Variants in TECRL observed in about 807,000 individuals in gnomAD.
TECRL encodes trans-2,3-enoyl-CoA reductase like.
Under a neutral mutation model 52.8 loss-of-function variants are expected in TECRL, and 63 were observed. That is an observed-to-expected ratio of 1.19 (90% CI 0.97 to 1.47). TECRL has a LOEUF of 1.47. Ranked by LOEUF, TECRL falls within the 40% of genes most tolerant of loss-of-function variation. The pLI is 0.00. For synonymous variants in TECRL, 164 were observed against 141.9 expected (o/e 1.16, Z -1.10); for missense variants, 482 against 429.6 (o/e 1.12, Z -1.08).
downstream of TECRL, chr4:64,277,039 G>T (rs1322075312): frequency 4.0e-6 from 6 of 1,494,092 alleles, no homozygotes; most frequent in Non-Finnish European, 5.4e-6. Flanking sequence ...GATGTCTTAG[G>T]CAGTGAGACC....
At chr4:64,391,645 T>C (rs1723557111) in intron 1 of TECRL, among the ~76,000 whole-genome samples, 1 of 151,900 alleles carries the variant, frequency 6.6e-6, no homozygotes, top group South Asian at 2.1e-4. Context: ...ATTCTCAATA[T>C]TATTGACTAG....
chr4:64,368,727 C>T (rs569361724), intron 2 of TECRL, among the ~76,000 whole-genome samples: 1 of 151,952 alleles, frequency 6.6e-6, no homozygotes, highest in Non-Finnish European at 1.5e-5. Flanking sequence ...ATTTTTCTGG[C>T]TTTTTTTGTT....
intron 7 of TECRL, among the ~76,000 whole-genome samples, chr4:64,303,212 T>A (rs1369240383): frequency 1.4e-5 from 2 of 147,432 alleles, no homozygotes; most frequent in African/African-American, 2.4e-5. Flanking sequence ...TTTTGCAGCA[T>A]AAATATAGAA....
intron 1 of TECRL, among the ~76,000 whole-genome samples, chr4:64,398,020 A>G (rs1487033851): frequency 2.0e-5 from 2 of 100,344 alleles, no homozygotes; most frequent in Non-Finnish European, 5.0e-5. Context: ...TTATAAACAC[A>G]TATATTAAAA....
At chr4:64,335,540 A>G (rs1328500176) in intron 2 of TECRL, among the ~76,000 whole-genome samples, 1 of 151,920 alleles carries the variant, frequency 6.6e-6, no homozygotes, top group African/African-American at 2.4e-5. Context: ...CCGTGAAACC[A>G]CTCCCTACAT....
At position 64,304,585 on chromosome 4, in the gene TECRL, T is replaced by C. The variant is rs184760304; in HGVS notation, c.730+581A>G. Among the ~76,000 whole-genome samples, 162 of 152,190 alleles carry C rather than the reference T, an allele frequency of 1.1e-3. 4 individuals carry two copies. The East Asian group carries it at 0.026, about 25-fold the overall frequency. On this transcript the variant is annotated intron_variant, in intron 7 of 11. Coordinates refer to ENST00000381210, the MANE Select transcript of TECRL (RefSeq NM_001010874.5). ...GTGCCTTATGTGCTACAGTAAGAGC[T>C]GAAGAGAGAAAAGTCCACATTGAAG...
At chr4:64,381,565 C>T (rs1722795898) in intron 1 of TECRL, among the ~76,000 whole-genome samples, 1 of 151,190 alleles carries the variant, frequency 6.6e-6, no homozygotes, top group Non-Finnish European at 1.5e-5. Context: ...CATTACATAC[C>T]TAATTTGTTG....
chr4:64,362,839 T>C (rs146824185), intron 2 of TECRL, among the ~76,000 whole-genome samples: 2 of 152,196 alleles, frequency 1.3e-5, no homozygotes, highest in Non-Finnish European at 2.9e-5. Context: ...ATTATATCCT[T>C]AAATATCTAT....
intron 9 of TECRL, among the ~76,000 whole-genome samples, chr4:64,286,534 T>TAA (rs151059555): frequency 4.8e-5 from 7 of 145,516 alleles, no homozygotes; most frequent in African/African-American, 1.3e-4. Context: ...TTTTAGAACG[T>TAA]AAAAAAAAAA....
At chr4:64,349,073 A>G (rs1419434804) in intron 2 of TECRL, among the ~76,000 whole-genome samples, 1 of 150,966 alleles carries the variant, frequency 6.6e-6, no homozygotes, top group East Asian at 1.9e-4. Context: ...TACAAAAAAA[A>G]AAAAAACCTA....
intron 8 of TECRL, among the ~76,000 whole-genome samples, chr4:64,292,823 A>G (rs1723465243): frequency 6.6e-6 from 1 of 151,970 alleles, no homozygotes. Context: ...GTGTACACTA[A>G]AATAGTTAAG....
rs370868894 is a variant in TECRL at position 64,339,242 on chromosome 4, T to A, written c.287-10686A>T. ...GGTGGGAATTGAACAATGAGAACACTTGGACACAGGAAGGGGAACATCACA... is the reference window on the plus strand; with the variant it reads ...GGTGGGAATTGAACAATGAGAACACATGGACACAGGAAGGGGAACATCACA... On this transcript the variant is annotated intron_variant, in intron 2 of 11. Transcript: ENST00000381210. Among the ~76,000 whole-genome samples the A allele has an allele frequency of 9.2e-5, 12 of 130,660 alleles. No individual in the cohort carries two copies. The East Asian group carries it at 1.7e-3, about 18-fold the overall frequency. The allele number at this position is 130,660 out of a possible 152,430, so 85.7% of individuals were successfully genotyped here.
rs571405673 is a variant in TECRL at position 64,332,980 on chromosome 4, A to G, written c.287-4424T>C. Reference sequence around the variant, plus strand: ...TTTTCCAATACTGGCAAAATATATCAAGATAAATATTAAAGAATTACTGTA... The same window carrying G: ...TTTTCCAATACTGGCAAAATATATCGAGATAAATATTAAAGAATTACTGTA... On this transcript the variant is annotated intron_variant, in intron 2 of 11. Coordinates refer to ENST00000381210, the MANE Select transcript of TECRL (RefSeq NM_001010874.5). 3.9e-5 allele frequency among the ~76,000 whole-genome samples: 6 copies of G among 152,130 alleles called. No homozygotes were observed. The South Asian group carries it at 1.2e-3, about 32-fold the overall frequency.
At chr4:64,324,329 A>G (rs1350799061) in intron 3 of TECRL, among the ~76,000 whole-genome samples, 1 of 152,086 alleles carries the variant, frequency 6.6e-6, no homozygotes, top group Non-Finnish European at 1.5e-5. Context: ...CCAAGCAGGA[A>G]GAAAAATGAG....
At chr4:64,397,134 T>G (rs897746807) in intron 1 of TECRL, among the ~76,000 whole-genome samples, 1 of 152,156 alleles carries the variant, frequency 6.6e-6, no homozygotes, top group Admixed American at 6.5e-5. Context: ...CTTGAACTTT[T>G]TTGCTAATTA....
intron 2 of TECRL, among the ~76,000 whole-genome samples, chr4:64,358,003 C>G (rs13136366): frequency 0.9 from 136,170 of 151,566 alleles, 61,828 homozygotes; most frequent in East Asian, 1. Flanking sequence ...GTATTCACTA[C>G]TAATCCAAAA....
intron 1 of TECRL, among the ~76,000 whole-genome samples, chr4:64,396,671 G>A (rs1186962864): frequency 6.6e-6 from 1 of 152,034 alleles, no homozygotes; most frequent in Non-Finnish European, 1.5e-5. Flanking sequence ...GGTCCCAGTT[G>A]TCATTTTTTT....
chr4:64,355,947 A>C (rs1368648076), intron 2 of TECRL, among the ~76,000 whole-genome samples: 2 of 152,154 alleles, frequency 1.3e-5, no homozygotes, highest in Non-Finnish European at 2.9e-5. Flanking sequence ...AAGAAATTCC[A>C]TTTTGACCTG....
intron 2 of TECRL, among the ~76,000 whole-genome samples, chr4:64,334,933 A>C (rs390912): frequency 0.96 from 146,237 of 152,258 alleles, 70,501 homozygotes; most frequent in East Asian, 1. Context: ...GGTCATCATA[A>C]CTATGTCCCC....
Sources: gnomAD v4.1 joint callset for allele counts (sites outside exome capture counted in the v4.1 genomes callset) on GRCh38, gnomAD v4.1.1 for gene constraint, MANE v1.5 for transcripts, NCBI Gene and HGNC (gene_info 2026-07-23, HGNC 2026-07-21) for gene names.